SEMA5A: variants seen among roughly 807,000 people sequenced by gnomAD.
The protein encoded by SEMA5A is semaphorin 5A.
Under a neutral mutation model 135.5 loss-of-function variants are expected in SEMA5A, and 55 were observed. The ratio of observed to expected loss-of-function variants is 0.41; its 90% CI spans 0.33 to 0.51. SEMA5A has a LOEUF of 0.51. SEMA5A is among the 20% of genes least tolerant of loss of function. The probability of loss-of-function intolerance (pLI) is 0.37; values close to 1 mark genes in which losing one functional copy is unlikely to be tolerated. For synonymous variants in SEMA5A, 580 were observed against 546.5 expected (o/e 1.06, Z -0.85); for missense variants, 1,290 against 1,419.9 (o/e 0.91, Z 1.47).
At chr5:9,191,320 A>G (rs1212439023) in intron 10 of SEMA5A, among the ~76,000 whole-genome samples, 1 of 152,196 alleles carries the variant, frequency 6.6e-6, no homozygotes, top group African/African-American at 2.4e-5. Flanking sequence ...AGGCTGGCAG[A>G]TGTTATATAA....
At chr5:9,201,806 ACT>A in intron 9 of SEMA5A, 147 bp downstream of exon 9, 1 of 686,162 alleles carries the variant, frequency 1.5e-6, no homozygotes. Context: ...CATGTAGTCT[ACT>A]GAAAAGTCCT....
chr5:9,355,574 A>G (rs1470895378), intron 3 of SEMA5A, among the ~76,000 whole-genome samples: 1 of 152,206 alleles, frequency 6.6e-6, no homozygotes, highest in Admixed American at 6.5e-5. Flanking sequence ...GAACAATCCA[A>G]TAGTTCTTTC....
At position 9,278,761 on chromosome 5, in the gene SEMA5A, A is replaced by T. The variant is rs572844828; in HGVS notation, c.270+39611T>A. Among the ~76,000 whole-genome samples, 13 of 152,334 alleles carry T rather than the reference A, an allele frequency of 8.5e-5. No individual in the cohort carries two copies. The South Asian group carries it at 2.5e-3, about 29-fold the overall frequency. On this transcript the variant is annotated intron_variant, in intron 5 of 22. Coordinates refer to ENST00000382496, the MANE Select transcript of SEMA5A (RefSeq NM_003966.3). ...TCAGGCTGAGGCTTCAGAGGGTGCA[A>T]GCCCCAAGCCTCAGTAGCATCTACG...
rs868265863 is a variant in SEMA5A, at chr5:9,297,175, T to C, written c.270+21197A>G. Among the ~76,000 whole-genome samples, 13 of 151,760 alleles carry C rather than the reference T, an allele frequency of 8.6e-5. 1 individual carries two copies. Among genetic ancestry groups the C allele is most frequent in the South Asian group, 4.2e-4 (2 of 4,816 alleles). On this transcript the variant is annotated intron_variant, in intron 5 of 22. Transcript: ENST00000382496. ...CTAAAAAAATACATATATATATACA[T>C]ATACATATGTATATACACATACATA...
At chr5:9,205,585 A>G (rs1428485575) in intron 8 of SEMA5A, among the ~76,000 whole-genome samples, 1 of 152,208 alleles carries the variant, frequency 6.6e-6, no homozygotes. Flanking sequence ...GAGAGCCTCT[A>G]CCATATCTCC....
At chr5:9,285,576 T>G (rs1020606740) in intron 5 of SEMA5A, among the ~76,000 whole-genome samples, 1 of 152,212 alleles carries the variant, frequency 6.6e-6, no homozygotes, top group African/African-American at 2.4e-5. Context: ...CTAGCCAGGC[T>G]TGGTTCTTCT....
At chr5:9,351,280 G>C (rs1209499011) in intron 3 of SEMA5A, among the ~76,000 whole-genome samples, 1 of 152,072 alleles carries the variant, frequency 6.6e-6, no homozygotes, top group Non-Finnish European at 1.5e-5. Context: ...TCATGATCCA[G>C]TTCCCTCCAA....
chr5:9,428,160 C>CTATCTATT (rs1757734057), intron 2 of SEMA5A, among the ~76,000 whole-genome samples: 1 of 132,866 alleles, frequency 7.5e-6, no homozygotes, highest in African/African-American at 3.1e-5. Context: ...ATCTATCTAT[C>CTATCTATT]TATCTATCCA....
At chr5:9,371,517 TA>T (rs970946727) in intron 3 of SEMA5A, among the ~76,000 whole-genome samples, 1 of 152,238 alleles carries the variant, frequency 6.6e-6, no homozygotes, top group Non-Finnish European at 1.5e-5. Context: ...AGTGGTTTTT[TA>T]AAAATATTTC....
chr5:9,414,166 ACGT>A (rs1488945008), intron 2 of SEMA5A, among the ~76,000 whole-genome samples: 1 of 152,218 alleles, frequency 6.6e-6, no homozygotes, highest in African/African-American at 2.4e-5. Context: ...GTATAAACAG[ACGT>A]TATTATAATC....
intron 2 of SEMA5A, among the ~76,000 whole-genome samples, chr5:9,380,879 T>C (rs1467717311): frequency 6.6e-6 from 1 of 151,500 alleles, no homozygotes; most frequent in African/African-American, 2.4e-5. Flanking sequence ...AATCTGAGTG[T>C]AATGCTGGAG....
At chr5:9,384,051 A>T (rs920726148) in intron 2 of SEMA5A, among the ~76,000 whole-genome samples, 1 of 152,142 alleles carries the variant, frequency 6.6e-6, no homozygotes, top group Non-Finnish European at 1.5e-5. Context: ...TGAGGTTTAT[A>T]ATTTTCAGAC....
At chr5:9,413,385 A>G (rs1281519510) in intron 2 of SEMA5A, among the ~76,000 whole-genome samples, 1 of 152,200 alleles carries the variant, frequency 6.6e-6, no homozygotes, top group Non-Finnish European at 1.5e-5. Context: ...CTTTGGAAAG[A>G]TTTTGAAAGT....
intron 1 of SEMA5A, among the ~76,000 whole-genome samples, chr5:9,457,968 C>A (rs531336781): frequency 7.7e-6 from 1 of 129,830 alleles, no homozygotes; most frequent in South Asian, 2.5e-4. Flanking sequence ...AGTGCAGTGG[C>A]GCCATCTCGG....
At chr5:9,438,952 G>A (rs947317028) in intron 1 of SEMA5A, among the ~76,000 whole-genome samples, 4 of 152,176 alleles carry the variant, frequency 2.6e-5, no homozygotes, top group Admixed American at 1.3e-4. Flanking sequence ...CAGAGGCCAG[G>A]GAACAGGTCA....
intron 5 of SEMA5A, among the ~76,000 whole-genome samples, chr5:9,269,535 T>C (rs1749859111): frequency 6.6e-6 from 1 of 152,108 alleles, no homozygotes; most frequent in Non-Finnish European, 1.5e-5. Context: ...AAATAATAAA[T>C]GCCCTAATTA....
chr5:9,469,941 A>G (rs1279313747), intron 1 of SEMA5A, among the ~76,000 whole-genome samples: 7 of 152,210 alleles, frequency 4.6e-5, no homozygotes, highest in Admixed American at 4.6e-4. Context: ...TAGGATGTGT[A>G]CAACTTTGAG....
rs527836770 is a variant in SEMA5A, at chr5:9,454,456, C to T, written c.-174-16604G>A. 1.2e-4 allele frequency among the ~76,000 whole-genome samples: 18 copies of T among 152,316 alleles called. No homozygotes were observed. The East Asian group carries it at 3.5e-3, about 29-fold the overall frequency. ...ACAAGTTGTCCCTTTGATATATTCG[C>T]ATCTGTTCTGTGTTGAATTGAAAAA... On this transcript the variant is annotated intron_variant, in intron 1 of 22. Transcript: ENST00000382496.
chr5:9,451,845 G>C (rs921933234), intron 1 of SEMA5A, among the ~76,000 whole-genome samples: 7 of 152,182 alleles, frequency 4.6e-5, no homozygotes, highest in Non-Finnish European at 1.0e-4. Context: ...CACGGCTGAG[G>C]ATGGCAGACA....
Sources: allele counts gnomAD v4.1 joint callset (sites outside exome capture counted in the v4.1 genomes callset), GRCh38; gene constraint gnomAD v4.1.1; transcripts MANE v1.5; gene names NCBI Gene and HGNC (gene_info 2026-07-23, HGNC 2026-07-21).